The following TASP1 variants were observed in gnomAD, a reference collection of about 807,000 sequenced individuals.
TASP1 encodes the protein threonine aspartase 1.
TASP1 carries 16 observed loss-of-function variants against 56.6 expected under a neutral mutation model. The ratio of observed to expected loss-of-function variants is 0.28; its 90% CI spans 0.19 to 0.43. The LOEUF (loss-of-function observed/expected upper bound fraction) is 0.43, where lower values mean the gene tolerates loss of function less well. TASP1 is among the 20% of genes least tolerant of loss of function. The pLI, the probability that TASP1 is intolerant of heterozygous loss-of-function variation, is 1.00. For synonymous variants in TASP1, 179 were observed against 184.2 expected, an observed-to-expected ratio of 0.97 and a Z score of 0.23; for missense variants, 393 against 511.6, an observed-to-expected ratio of 0.77 and a Z score of 2.24.
intron 10 of TASP1, among the ~76,000 whole-genome samples, chr20:13,487,384 C>T (rs568591760): frequency 1.3e-5 from 2 of 152,252 alleles, no homozygotes; most frequent in East Asian, 3.9e-4. Context: ...CTGGCCAGTC[C>T]AGATGTCAAT....
At chr20:13,296,577 C>T in the TASP1 span, among the ~76,000 whole-genome samples, 1 of 151,952 alleles carries the variant, frequency 6.6e-6, no homozygotes, top group African/African-American at 2.4e-5. Flanking sequence ...GTGGCATGAT[C>T]AGATAGTAGA....
chr20:13,356,635 C>A, the TASP1 span, among the ~76,000 whole-genome samples: 2 of 152,200 alleles, frequency 1.3e-5, no homozygotes, highest in Non-Finnish European at 2.9e-5. Context: ...CTTATCAAAG[C>A]ATGAGATGCT....
At chr20:13,260,751 T>C in the TASP1 span, among the ~76,000 whole-genome samples, 11 of 152,144 alleles carry the variant, frequency 7.2e-5, no homozygotes, top group Non-Finnish European at 1.5e-4. Context: ...ACAGAATAAA[T>C]AACCAAGGTC....
At chr20:13,238,491 C>G in the TASP1 span, among the ~76,000 whole-genome samples, 1 of 152,124 alleles carries the variant, frequency 6.6e-6, no homozygotes, top group African/African-American at 2.4e-5. Flanking sequence ...ATCGATTATA[C>G]ATAGTTCCCC....
At chr20:13,456,906 T>G (rs948423384) in intron 11 of TASP1, among the ~76,000 whole-genome samples, 1 of 152,194 alleles carries the variant, frequency 6.6e-6, no homozygotes, top group African/African-American at 2.4e-5. Flanking sequence ...CTTTTCTTTT[T>G]GTTCACAACA....
the TASP1 span, among the ~76,000 whole-genome samples, chr20:13,223,718 C>T: frequency 5.3e-5 from 8 of 152,142 alleles, no homozygotes; most frequent in Non-Finnish European, 4.4e-5. Context: ...AATTTCTATG[C>T]GGAAGTTGAA....
chr20:13,222,017 C>T, the TASP1 span: 2 of 1,102,508 alleles, frequency 1.8e-6, no homozygotes, highest in Non-Finnish European at 1.2e-6. Context: ...AGGTCCCCTG[C>T]CCCACCTAAG....
At chr20:13,148,366 GAACA>G in the TASP1 span, among the ~76,000 whole-genome samples, 1 of 152,148 alleles carries the variant, frequency 6.6e-6, no homozygotes, top group Non-Finnish European at 1.5e-5. Context: ...GATAGAACAG[GAACA>G]GACAGGTCAT....
chr20:13,266,544 T>C, the TASP1 span, among the ~76,000 whole-genome samples: 3 of 152,194 alleles, frequency 2.0e-5, no homozygotes, highest in Admixed American at 6.5e-5. Context: ...AACTCATAGA[T>C]AGTTAACTCA....
At chr20:13,460,340 T>C (rs990896800) in intron 11 of TASP1, among the ~76,000 whole-genome samples, 2 of 152,184 alleles carry the variant, frequency 1.3e-5, no homozygotes, top group Admixed American at 6.6e-5. Flanking sequence ...CTCAATCTCA[T>C]TGCTGGTTCC....
chr20:13,423,689 T>C (rs929521758), intron 12 of TASP1, among the ~76,000 whole-genome samples: 2 of 152,224 alleles, frequency 1.3e-5, no homozygotes, highest in African/African-American at 4.8e-5. Flanking sequence ...TAGAGGGAAC[T>C]AGTTGAGTAA....
chr20:13,578,204 TC>T (rs2046996196), intron 6 of TASP1, among the ~76,000 whole-genome samples: 1 of 152,052 alleles, frequency 6.6e-6, no homozygotes, highest in South Asian at 2.1e-4. Flanking sequence ...GAAAATATCA[TC>T]TTTTTTTTTT....
At chr20:13,155,991 G>A in the TASP1 span, among the ~76,000 whole-genome samples, 2 of 152,134 alleles carry the variant, frequency 1.3e-5, no homozygotes, top group Non-Finnish European at 2.9e-5. Context: ...GTTAAGGAGG[G>A]TTGACAACAG....
the TASP1 span, among the ~76,000 whole-genome samples, chr20:13,223,616 TTTTAAC>T: frequency 6.6e-6 from 1 of 152,188 alleles, no homozygotes; most frequent in Non-Finnish European, 1.5e-5. Context: ...CTTAAAGTTG[TTTTAAC>T]TTTGAGACAT....
At chr20:13,332,349 T>A in the TASP1 span, among the ~76,000 whole-genome samples, 1 of 152,188 alleles carries the variant, frequency 6.6e-6, no homozygotes, top group Non-Finnish European at 1.5e-5. Context: ...ACAGTCTCCC[T>A]CTTGACTTGT....
intron 4 of TASP1, among the ~76,000 whole-genome samples, chr20:13,598,940 C>T (rs1486842515): frequency 1.3e-5 from 2 of 152,214 alleles, no homozygotes; most frequent in Admixed American, 6.5e-5. Context: ...CTCATCATCA[C>T]TGCTCATCAG....
the TASP1 span, among the ~76,000 whole-genome samples, chr20:13,228,884 G>C: frequency 6.6e-6 from 1 of 151,860 alleles, no homozygotes; most frequent in Non-Finnish European, 1.5e-5. Flanking sequence ...GCATTCTTCT[G>C]GCTATTTCAA....
intron 11 of TASP1, among the ~76,000 whole-genome samples, chr20:13,468,016 C>CA (rs1218807078): frequency 6.8e-5 from 10 of 147,024 alleles, no homozygotes; most frequent in Non-Finnish European, 1.4e-4. Flanking sequence ...AACTCCATCT[C>CA]AAAAAAACAA....
the TASP1 span, among the ~76,000 whole-genome samples, chr20:13,145,039 T>C: frequency 6.6e-6 from 1 of 152,062 alleles, no homozygotes; most frequent in African/African-American, 2.4e-5. Flanking sequence ...CCTCCCAAAG[T>C]GCTGGGATTA....
Sources: allele counts gnomAD v4.1 joint callset (sites outside exome capture counted in the v4.1 genomes callset), GRCh38; gene constraint gnomAD v4.1.1; transcripts MANE v1.5; gene names NCBI Gene and HGNC (gene_info 2026-07-23, HGNC 2026-07-21).